Variants in FBXL4 observed in about 807,000 individuals in gnomAD.
FBXL4 encodes the protein F-box and leucine rich repeat protein 4.
FBXL4 carries 40 observed loss-of-function variants against 58.9 expected under a neutral mutation model. The observed-to-expected ratio is 0.68, with a 90% CI of 0.53 to 0.88. FBXL4 has a LOEUF of 0.88. Among genes scored for constraint, FBXL4 ranks in the 40% least tolerant of loss-of-function variants. The pLI is 0.00. For missense variants in FBXL4, 676 were observed against 734.4 expected, an observed-to-expected ratio of 0.92 and a Z score of 0.92; for synonymous variants, 263 against 265.5, an observed-to-expected ratio of 0.99 and a Z score of 0.09.
chr6:98,939,494 G>A (rs780866592), intron 1 of FBXL4, among the ~76,000 whole-genome samples: 1 of 152,164 alleles, frequency 6.6e-6, no homozygotes, highest in Non-Finnish European at 1.5e-5. Flanking sequence ...TTTTCAATAT[G>A]AGATAAAGTG....
At chr6:98,898,758 T>A in intron 7 of FBXL4, 2 of 985,158 alleles carry the variant, frequency 2.0e-6, no homozygotes. Flanking sequence ...TTAGATAATA[T>A]ATGCACTGAC....
chr6:98,939,306 A>T (rs1773343045), intron 1 of FBXL4, among the ~76,000 whole-genome samples: 1 of 152,166 alleles, frequency 6.6e-6, no homozygotes, highest in Non-Finnish European at 1.5e-5. Flanking sequence ...ACATAAAGCC[A>T]AACTTCTTTC....
At chr6:98,911,842 T>C (rs779373801) in intron 5 of FBXL4, among the ~76,000 whole-genome samples, 8 of 152,284 alleles carry the variant, frequency 5.3e-5, no homozygotes, top group Non-Finnish European at 1.2e-4. Flanking sequence ...CTTTGACGAC[T>C]TGAGAGAAGA....
At chr6:98,913,772 A>T (rs1180068534) in intron 5 of FBXL4, among the ~76,000 whole-genome samples, 4 of 152,252 alleles carry the variant, frequency 2.6e-5, no homozygotes, top group Non-Finnish European at 5.9e-5. Flanking sequence ...AAGCAAGAGC[A>T]AACACATTCA....
intron 7 of FBXL4, among the ~76,000 whole-genome samples, chr6:98,887,989 C>T (rs375253283): frequency 1.3e-5 from 2 of 152,182 alleles, no homozygotes; most frequent in African/African-American, 4.8e-5. Flanking sequence ...CCAGTTAACC[C>T]GTTTCCTCCT....
intron 1 of FBXL4, among the ~76,000 whole-genome samples, chr6:98,946,442 G>C (rs532590657): frequency 6.6e-6 from 1 of 152,130 alleles, no homozygotes; most frequent in Admixed American, 6.5e-5. Flanking sequence ...TTAGATCCGC[G>C]AAGTTAAGAT....
intron 7 of FBXL4, among the ~76,000 whole-genome samples, chr6:98,890,801 C>A (rs998175239): frequency 6.6e-5 from 10 of 152,052 alleles, no homozygotes; most frequent in African/African-American, 2.4e-4. Flanking sequence ...CGCCTGTAGT[C>A]CCAGCTACTC....
chr6:98,917,813 GA>G (rs1772428403), intron 4 of FBXL4, 94 bp from the exon 5 acceptor site: 1 of 824,614 alleles, frequency 1.2e-6, no homozygotes, highest in Non-Finnish European at 1.8e-6. Context: ...GTCACAGTGT[GA>G]AACAAAGTCA....
At chr6:98,893,409 T>TTGTCTTCACG (rs147424229) in intron 7 of FBXL4, among the ~76,000 whole-genome samples, 1 of 151,854 alleles carries the variant, frequency 6.6e-6, no homozygotes, top group Non-Finnish European at 1.5e-5. Flanking sequence ...TCTTCTTCCA[T>TTGTCTTCACG]TGTCTTCACA....
At chr6:98,892,097 C>T (rs1231664852) in intron 7 of FBXL4, among the ~76,000 whole-genome samples, 1 of 152,186 alleles carries the variant, frequency 6.6e-6, no homozygotes, top group East Asian at 1.9e-4. Context: ...CCTAGAGACA[C>T]ATACCAAGGA....
rs141069695 is a variant in FBXL4 at position 98,880,945 on chromosome 6, T to A, written c.1318-321A>T. Among the ~76,000 whole-genome samples the A allele has an allele frequency of 3.9e-5, 6 of 152,240 alleles. No homozygotes were observed. In the East Asian group the frequency reaches 9.7e-4, roughly 25 times the overall value. ...AAGCAATTTGAAAGTCTGGCTACAA[T>A]TGAACAACAAGACAAGCTAAACCAC... is the stretch of plus-strand genomic sequence containing the variant. On this transcript the variant is annotated intron_variant, in intron 7 of 9. Coordinates refer to ENST00000369244, the MANE Select transcript of FBXL4 (RefSeq NM_001278716.2).
intron 1 of FBXL4, among the ~76,000 whole-genome samples, chr6:98,945,978 T>C (rs951914658): frequency 6.6e-6 from 1 of 152,078 alleles, no homozygotes; most frequent in African/African-American, 2.4e-5. Context: ...TCTCAATAAC[T>C]GGCAGGAAAA....
intron 7 of FBXL4, chr6:98,897,138 T>C: frequency 1.0e-6 from 1 of 981,336 alleles, no homozygotes; most frequent in Non-Finnish European, 1.2e-6. Context: ...CTATATTTCT[T>C]ATTAAACAAT....
At chr6:98,913,981 G>T (rs556662829) in intron 5 of FBXL4, among the ~76,000 whole-genome samples, 2 of 152,058 alleles carry the variant, frequency 1.3e-5, no homozygotes, top group African/African-American at 4.8e-5. Flanking sequence ...TGATAAAGGG[G>T]ATATCACCAC....
intron 7 of FBXL4, among the ~76,000 whole-genome samples, chr6:98,883,534 A>T (rs916514522): frequency 6.6e-6 from 1 of 151,464 alleles, no homozygotes; most frequent in African/African-American, 2.4e-5. Context: ...TTTTTTTTTA[A>T]AATCAGAGTT....
intron 7 of FBXL4, among the ~76,000 whole-genome samples, chr6:98,881,000 CA>C (rs941827643): frequency 6.6e-6 from 1 of 152,066 alleles, no homozygotes; most frequent in Non-Finnish European, 1.5e-5. Context: ...AACAAAAAGA[CA>C]AAAAACCCGC....
At position 98,903,829 on chromosome 6, in the gene FBXL4, C is replaced by T. The variant is rs148659867; in HGVS notation, c.1103+1597G>A. On this transcript the variant is annotated intron_variant, in intron 6 of 9. Coordinates refer to ENST00000369244, the MANE Select transcript of FBXL4 (RefSeq NM_001278716.2). ...TTAATGTCTACACATTAGTTACTAC[C>T]CTGTTACTCTGTTTATAAAAATAAG... Among the ~76,000 whole-genome samples, 366 of 152,134 alleles carry T rather than the reference C, an allele frequency of 2.4e-3. 2 individuals are homozygous for T. Among genetic ancestry groups the T allele is most frequent in the Non-Finnish European group, 4.1e-3 (278 of 67,962 alleles).
chr6:98,917,953 T>C (rs1049626087), intron 4 of FBXL4, among the ~76,000 whole-genome samples: 2 of 152,156 alleles, frequency 1.3e-5, no homozygotes, highest in African/African-American at 4.8e-5. Flanking sequence ...AGATTTCACA[T>C]TGATCAGTTT....
In FBXL4 at chr6:98,914,825, T is replaced by C. The variant is rs558001006; in HGVS notation, c.858+2549A>G. On this transcript the variant is annotated intron_variant, in intron 5 of 9. Coordinates refer to ENST00000369244, the MANE Select transcript of FBXL4 (RefSeq NM_001278716.2). ...TGTTGGAAGTTCTGGCCAGGGCAAT[T>C]AGGCAGGAGAAGGAAATAAAGGGTA... is the stretch of plus-strand genomic sequence containing the variant. Among the ~76,000 whole-genome samples, 29 of 152,214 alleles carry C rather than the reference T, an allele frequency of 1.9e-4. No individual in the cohort carries two copies. In the South Asian group the frequency reaches 5.2e-3, roughly 27 times the overall value.
Sources: allele counts gnomAD v4.1 joint callset (sites outside exome capture counted in the v4.1 genomes callset), GRCh38; gene constraint gnomAD v4.1.1; transcripts MANE v1.5; gene names NCBI Gene and HGNC (gene_info 2026-07-23, HGNC 2026-07-21).